The following PRDM2 variants were observed in gnomAD, a reference collection of about 807,000 sequenced individuals.
PRDM2 encodes the protein PR/SET domain 2, also known as PR domain zinc finger protein 2.
PRDM2 carries 30 observed loss-of-function variants against 130.0 expected under a neutral mutation model. That is an observed-to-expected ratio of 0.23 (90% CI 0.17 to 0.31). The LOEUF (loss-of-function observed/expected upper bound fraction) is 0.31, where lower values mean the gene tolerates loss of function less well. PRDM2 is among the 10% of genes least tolerant of loss of function. PRDM2 has a pLI of 1.00. For synonymous variants in PRDM2, 871 were observed against 782.4 expected, an observed-to-expected ratio of 1.11 and a Z score of -1.89; for missense variants, 2,011 against 2,108.4, an observed-to-expected ratio of 0.95 and a Z score of 0.90.
chr1:13,711,389 T>TATC (rs78888895), intron 1 of PRDM2, among the ~76,000 whole-genome samples: 125,689 of 152,044 alleles, frequency 0.83, 52,541 homozygotes, highest in African/African-American at 0.96. Context: ...GCTTTAGTAT[T>TATC]CTATTGCAGC....
At chr1:13,817,511 A>G (rs1035377679) in intron 9 of PRDM2, among the ~76,000 whole-genome samples, 1 of 151,680 alleles carries the variant, frequency 6.6e-6, no homozygotes, top group Non-Finnish European at 1.5e-5. Context: ...CCTGTTGGTG[A>G]CACCACACAA....
intron 2 of PRDM2, among the ~76,000 whole-genome samples, chr1:13,727,390 G>A (rs760702660): frequency 1.3e-5 from 2 of 152,146 alleles, no homozygotes; most frequent in Non-Finnish European, 2.9e-5. Flanking sequence ...GAGTAGCTGG[G>A]ATTACAGGCA....
At position 13,823,779 on chromosome 1, in the gene PRDM2, C is replaced by T. The variant is rs1308580354; in HGVS notation, c.*644C>T. The T allele has an allele frequency of 6.5e-6, 1 of 153,384 alleles. No individual in the cohort carries two copies. Among genetic ancestry groups the T allele is most frequent in the Non-Finnish European group, 1.4e-5 (1 of 68,988 alleles). 9.5% of individuals were successfully genotyped at this position (153,384 alleles called of 1,614,324 possible). On this transcript the variant is annotated 3_prime_UTR_variant, in exon 10 of 10. Coordinates refer to ENST00000311066, the MANE Select transcript of PRDM2 (RefSeq NM_001393986.1). ...GAGGCATTTCCAGACTTGAAATTCT[C>T]ATCAGTCCATTGCTCTTGAGTCTTT...
chr1:13,795,045 A>C (rs1644901497), intron 8 of PRDM2, among the ~76,000 whole-genome samples: 1 of 152,230 alleles, frequency 6.6e-6, no homozygotes, highest in Non-Finnish European at 1.5e-5. Flanking sequence ...TCCAATTCAA[A>C]GTGAGAAAAA....
chr1:13,751,516 A>G (rs1489881250), intron 6 of PRDM2, among the ~76,000 whole-genome samples: 1 of 151,886 alleles, frequency 6.6e-6, no homozygotes, highest in East Asian at 1.9e-4. Flanking sequence ...CAAAGACCTG[A>G]AATGGAGTCT....
chr1:13,704,130 A>G (rs1423581386), intron 1 of PRDM2, among the ~76,000 whole-genome samples: 1 of 152,216 alleles, frequency 6.6e-6, no homozygotes, highest in Non-Finnish European at 1.5e-5. Flanking sequence ...ATGTATTGAT[A>G]AATAAAACGT....
rs1363350686 is a variant in PRDM2, at chr1:13,749,449, G to T, written c.473G>T (p.Ser158Ile). The change falls in exon 6 of 10, where the codon AGC becomes ATC. Residue 158 changes from serine (S) to isoleucine (I), a missense_variant. Ser to Ile is a moderately radical substitution (Grantham distance 142). Transcript: ENST00000311066. The part of the protein sequence containing the change: ...IAAAIEEERA[S>I]ARSKRSSPKS... ...GCTGCGATTGAGGAAGAGCGAGCCA[G>T]CGCCCGGAGCAAGCGGAGCTCCCCC... 5.3e-6 allele frequency: 8 copies of T among 1,509,326 alleles called. No homozygotes were observed. Among genetic ancestry groups the T allele is most frequent in the South Asian group, 3.4e-5 (3 of 87,818 alleles). The allele number at this position is 1,509,326 out of a possible 1,614,324, so 93.5% of individuals were successfully genotyped here.
chr1:13,729,412 G>A (rs1284910127), intron 2 of PRDM2, among the ~76,000 whole-genome samples: 1 of 152,142 alleles, frequency 6.6e-6, no homozygotes, highest in Non-Finnish European at 1.5e-5. Context: ...CATCACTCTG[G>A]CTAATATTTG....
intron 5 of PRDM2, among the ~76,000 whole-genome samples, chr1:13,746,532 A>C (rs1001976095): frequency 1.8e-5 from 1 of 54,258 alleles, no homozygotes; most frequent in Non-Finnish European, 3.9e-5. Context: ...ACTTGTTTTT[A>C]TTTATTTATT....
intron 8 of PRDM2, among the ~76,000 whole-genome samples, chr1:13,815,158 G>A (rs1018536481): frequency 1.3e-5 from 2 of 152,146 alleles, no homozygotes; most frequent in Non-Finnish European, 2.9e-5. Flanking sequence ...CCAGGCTGGT[G>A]TACAATGGAA....
At chr1:13,720,100 T>G (rs1017570322) in intron 2 of PRDM2, among the ~76,000 whole-genome samples, 1 of 152,218 alleles carries the variant, frequency 6.6e-6, no homozygotes, top group African/African-American at 2.4e-5. Context: ...TTAAATAGAT[T>G]AAACTGATAT....
At chr1:13,777,616 C>A (rs1186067372) in intron 7 of PRDM2, among the ~76,000 whole-genome samples, 1 of 117,728 alleles carries the variant, frequency 8.5e-6, no homozygotes, top group African/African-American at 3.3e-5. Flanking sequence ...TTCCTCTATC[C>A]AGTAGGGCTC....
intron 4 of PRDM2, among the ~76,000 whole-genome samples, chr1:13,741,200 G>A (rs1290843121): frequency 6.6e-6 from 1 of 152,190 alleles, no homozygotes; most frequent in African/African-American, 2.4e-5. Context: ...CTTTTAAAAT[G>A]AAGGATGATA....
chr1:13,795,973 G>A (rs1274122686), intron 8 of PRDM2, among the ~76,000 whole-genome samples: 2 of 152,208 alleles, frequency 1.3e-5, no homozygotes, highest in South Asian at 2.1e-4. Flanking sequence ...GGCTGGCTAA[G>A]TGACCCATGT....
intron 4 of PRDM2, among the ~76,000 whole-genome samples, chr1:13,733,125 G>A (rs767844217): frequency 2.0e-5 from 3 of 152,118 alleles, no homozygotes; most frequent in African/African-American, 4.8e-5. Context: ...TTACATTGCC[G>A]TGTCCAGGGT....
At position 13,782,343 on chromosome 1, in the gene PRDM2, G is replaced by A; in HGVS notation, c.4548G>A (p.Arg1516=). 1 of 1,613,992 alleles carries A rather than the reference G, an allele frequency of 6.2e-7. No homozygotes were observed. Among genetic ancestry groups the A allele is most frequent in the Non-Finnish European group, 8.5e-7 (1 of 1,180,018 alleles). Reference sequence around the variant, plus strand: ...ACAGTAACAGCAACCACCGCAGACGGACAGCGGATGCGGAGATTAAAATGC... The same window carrying A: ...ACAGTAACAGCAACCACCGCAGACGAACAGCGGATGCGGAGATTAAAATGC... The part of the protein sequence containing the change: ...DKNSNSNHRR[R]TADAEIKMQS... Residue 1516 remains arginine (R), a synonymous_variant, in exon 8 of 10, where the codon CGG becomes CGA. Coordinates refer to ENST00000311066, the MANE Select transcript of PRDM2 (RefSeq NM_001393986.1).
intron 8 of PRDM2, among the ~76,000 whole-genome samples, chr1:13,790,635 G>T (rs573442455): frequency 6.6e-6 from 1 of 152,326 alleles, no homozygotes; most frequent in South Asian, 2.1e-4. Flanking sequence ...TGGGAATGAT[G>T]ACGTGACCGT....
intron 2 of PRDM2, 30 bp from the exon 3 acceptor site, chr1:13,730,970 G>A (rs201638883): frequency 4.9e-6 from 7 of 1,415,984 alleles, no homozygotes; most frequent in African/African-American, 2.9e-5. Flanking sequence ...TCTTTCTTTT[G>A]CTGTGATCCT....
rs376743034 is a variant in PRDM2, at chr1:13,764,288, C to G, written c.512-8790C>G. 1.1e-4 allele frequency among the ~76,000 whole-genome samples: 16 copies of G among 152,134 alleles called. 2 individuals are homozygous for G. The highest frequency in any genetic ancestry group is 3.9e-4 in the African/African-American group (16 of 41,504). ...ATTAGGTTCTTTATTTTGTAGTTGCCTCGTCACTATTTATATGTAAGGTTT... is the reference window on the plus strand; with the variant it reads ...ATTAGGTTCTTTATTTTGTAGTTGCGTCGTCACTATTTATATGTAAGGTTT... On this transcript the variant is annotated intron_variant, in intron 6 of 9. Coordinates refer to ENST00000311066, the MANE Select transcript of PRDM2 (RefSeq NM_001393986.1).
Sources: gnomAD v4.1 joint callset for allele counts (sites outside exome capture counted in the v4.1 genomes callset) on GRCh38, gnomAD v4.1.1 for gene constraint, MANE v1.5 for transcripts, NCBI Gene and HGNC (gene_info 2026-07-23, HGNC 2026-07-21) for gene names.